Variants in LMBR1 observed in about 807,000 individuals in gnomAD.
LMBR1 encodes the protein limb development membrane protein 1.
In LMBR1, 52 loss-of-function variants were observed where a neutral mutation model predicts 73.9. The observed-to-expected ratio is 0.70, with a 90% CI of 0.56 to 0.89. The LOEUF is 0.89. Ranked by LOEUF, LMBR1 falls within the 40% of genes least tolerant of loss-of-function variation. The pLI is 0.00. For missense variants in LMBR1, 539 were observed against 579.8 expected, an observed-to-expected ratio of 0.93 and a Z score of 0.72; for synonymous variants, 215 against 209.4, an observed-to-expected ratio of 1.03 and a Z score of -0.23.
At chr7:156,714,959 T>TC (rs1269130560) in intron 15 of LMBR1, among the ~76,000 whole-genome samples, 4 of 151,416 alleles carry the variant, frequency 2.6e-5, no homozygotes, top group African/African-American at 9.7e-5. Flanking sequence ...TTTTTCTTTT[T>TC]TTTTTTTTTT....
At chr7:156,826,093 C>T (rs1835640923) in intron 4 of LMBR1, among the ~76,000 whole-genome samples, 2 of 152,238 alleles carry the variant, frequency 1.3e-5, no homozygotes, top group South Asian at 4.1e-4. Flanking sequence ...GATTCTCCTG[C>T]CTCAGCCTCC....
At chr7:156,711,000 A>G (rs920183509) in intron 15 of LMBR1, among the ~76,000 whole-genome samples, 1 of 152,166 alleles carries the variant, frequency 6.6e-6, no homozygotes, top group African/African-American at 2.4e-5. Flanking sequence ...TATCTTTAAG[A>G]AAAAAATAAA....
chr7:156,763,896 G>C, intron 5 of LMBR1, 101 bp from the exon 6 acceptor site: 1 of 881,602 alleles, frequency 1.1e-6, no homozygotes, highest in Non-Finnish European at 1.6e-6. Context: ...CTTGGAAGGA[G>C]AGGAAATTTA....
At chr7:156,763,320 T>C (rs1195627336) in intron 6 of LMBR1, 144 bp from the exon 7 acceptor site, 2 of 473,140 alleles carry the variant, frequency 4.2e-6, no homozygotes, top group Non-Finnish European at 7.3e-6. Flanking sequence ...GCCATATAAT[T>C]TCTAAATTGT....
chr7:156,873,944 C>T (rs1421920249), intron 1 of LMBR1, among the ~76,000 whole-genome samples: 4 of 152,260 alleles, frequency 2.6e-5, no homozygotes, highest in African/African-American at 7.2e-5. Flanking sequence ...TGGCTTCACC[C>T]AGTGGATTCC....
intron 5 of LMBR1, among the ~76,000 whole-genome samples, chr7:156,767,197 T>A (rs1427145381): frequency 6.6e-6 from 1 of 152,088 alleles, no homozygotes; most frequent in Non-Finnish European, 1.5e-5. Flanking sequence ...GCAGGGGAAC[T>A]TTAGGAAGCA....
chr7:156,750,433 T>G (rs987701396), intron 9 of LMBR1, among the ~76,000 whole-genome samples: 4 of 152,072 alleles, frequency 2.6e-5, no homozygotes, highest in South Asian at 2.1e-4. Flanking sequence ...TGATTACTCA[T>G]ATTCCATGGC....
intron 16 of LMBR1, among the ~76,000 whole-genome samples, chr7:156,686,734 C>T (rs187423200): frequency 2.8e-4 from 42 of 152,276 alleles, no homozygotes; most frequent in Non-Finnish European, 2.9e-4. Context: ...GCTAAAGTTA[C>T]GGCAGTTCAT....
intron 15 of LMBR1, among the ~76,000 whole-genome samples, chr7:156,717,541 G>T (rs1048390839): frequency 6.6e-6 from 1 of 152,180 alleles, no homozygotes; most frequent in African/African-American, 2.4e-5. Context: ...AGACAGACAA[G>T]ATGTGGGGGG....
chr7:156,786,229 A>AGAAGGAGGAAGGAG lies in LMBR1; in HGVS notation c.423+10146_423+10159dup, dbSNP rs368105259. 7.5e-4 allele frequency among the ~76,000 whole-genome samples: 104 copies of AGAAGGAGGAAGGAG among 138,714 alleles called. 1 individual carries two copies. The highest frequency in any genetic ancestry group is 3.6e-3 in the Middle Eastern group (1 of 276). 91.0% of individuals were successfully genotyped at this position (138,714 alleles called of 152,430 possible). On this transcript the variant is annotated intron_variant, in intron 5 of 16. Coordinates refer to ENST00000353442, the MANE Select transcript of LMBR1 (RefSeq NM_022458.4). ...GAAGGGAAGGAAGGAGGAAGGGAAG[A>AGAAGGAGGAAGGAG]GAAGGAGGAAGGAGGAAGGAGGAAG...
chr7:156,889,748 A>G (rs1192875289), intron 1 of LMBR1, among the ~76,000 whole-genome samples: 1 of 152,188 alleles, frequency 6.6e-6, no homozygotes, highest in African/African-American at 2.4e-5. Context: ...TAATTAATTA[A>G]AAGTAAAGCC....
At chr7:156,858,032 G>T (rs1218234919) in intron 1 of LMBR1, among the ~76,000 whole-genome samples, 4 of 78,184 alleles carry the variant, frequency 5.1e-5, no homozygotes, top group African/African-American at 2.0e-4. Flanking sequence ...TACACCTTAG[G>T]AAACTAGAAA....
intron 16 of LMBR1, among the ~76,000 whole-genome samples, chr7:156,684,886 G>A (rs1805687091): frequency 6.6e-6 from 1 of 152,208 alleles, no homozygotes; most frequent in African/African-American, 2.4e-5. Flanking sequence ...GAGCTCAGCA[G>A]GTTGTGACTG....
Position 156,683,773 on chromosome 7 carries a change from C to T in LMBR1, c.*305G>A, listed in dbSNP as rs771023322. 1.2e-4 allele frequency: 30 copies of T among 244,312 alleles called. No individual in the cohort carries two copies. The highest frequency in any genetic ancestry group is 1.4e-4 in the Non-Finnish European group (18 of 128,990). The allele number at this position is 244,312 out of a possible 1,614,324, so 15.1% of individuals were successfully genotyped here. ...CTAACATTTTCATATCAGGTGAAAA[C>T]AATTTTTTCATATGGGTGATTGTAT... is the stretch of plus-strand genomic sequence containing the variant. On this transcript the variant is annotated 3_prime_UTR_variant, in exon 17 of 17. Coordinates refer to ENST00000353442, the MANE Select transcript of LMBR1 (RefSeq NM_022458.4).
chr7:156,673,916 A>G (rs1803178738), downstream of LMBR1, among the ~76,000 whole-genome samples: 1 of 127,894 alleles, frequency 7.8e-6, no homozygotes. Flanking sequence ...TAAAAAAAAA[A>G]AAAAAAGAAA....
chr7:156,870,908 C>T (rs1247971492), intron 1 of LMBR1, among the ~76,000 whole-genome samples: 1 of 151,772 alleles, frequency 6.6e-6, no homozygotes, highest in East Asian at 1.9e-4. Context: ...CTTTACAGCT[C>T]AAGGAACTAG....
chr7:156,716,761 C>T (rs1342236075), intron 15 of LMBR1, among the ~76,000 whole-genome samples: 1 of 152,198 alleles, frequency 6.6e-6, no homozygotes, highest in Non-Finnish European at 1.5e-5. Flanking sequence ...ATACTCAGCT[C>T]TCTGCTTTTT....
chr7:156,891,142 G>T (rs1195576144), intron 1 of LMBR1, among the ~76,000 whole-genome samples: 1 of 132,030 alleles, frequency 7.6e-6, no homozygotes, highest in Non-Finnish European at 1.5e-5. Context: ...AGTGAGCCGA[G>T]ATTGTGCCAC....
At chr7:156,800,312 A>C (rs1830723693) in intron 4 of LMBR1, among the ~76,000 whole-genome samples, 1 of 152,134 alleles carries the variant, frequency 6.6e-6, no homozygotes, top group Non-Finnish European at 1.5e-5. Context: ...CTTTAAGTTG[A>C]AGCCAGTGCT....
Sources: gnomAD v4.1 joint callset for allele counts (sites outside exome capture counted in the v4.1 genomes callset) on GRCh38, gnomAD v4.1.1 for gene constraint, MANE v1.5 for transcripts, NCBI Gene and HGNC (gene_info 2026-07-23, HGNC 2026-07-21) for gene names.